SDK2: variants seen among roughly 807,000 people sequenced by gnomAD.
The protein encoded by SDK2 is sidekick cell adhesion molecule 2.
A neutral mutation model predicts 253.9 loss-of-function variants in SDK2; 105 were observed. The observed-to-expected ratio is 0.41, with a 90% CI of 0.35 to 0.49. The LOEUF is 0.49. Among genes scored for constraint, SDK2 ranks in the 20% least tolerant of loss-of-function variants. The pLI is 0.06. For synonymous variants in SDK2, 1,249 were observed against 1,234.9 expected (o/e 1.01, Z -0.24); for missense variants, 2,608 against 3,003.0 (o/e 0.87, Z 3.07).
intron 4 of SDK2, among the ~76,000 whole-genome samples, chr17:73,453,370 G>GTTTT (rs34814268): frequency 4.2e-5 from 6 of 141,226 alleles, no homozygotes; most frequent in Non-Finnish European, 4.6e-5. Context: ...CTGAGCTGGG[G>GTTTT]TTTTTTTTTT....
chr17:73,642,364 C>T lies in SDK2; in HGVS notation c.64+1661G>A, dbSNP rs76004683. Among the ~76,000 whole-genome samples, 3 of 152,224 alleles carry T rather than the reference C, an allele frequency of 2.0e-5. No homozygotes were observed. The highest frequency in any genetic ancestry group is 4.4e-5 in the Non-Finnish European group (3 of 68,030). On this transcript the variant is annotated intron_variant, in intron 1 of 44. Coordinates refer to ENST00000392650, the MANE Select transcript of SDK2 (RefSeq NM_001144952.2). This position sits in a 1 kb window ranked among gnomAD's most constrained non-coding sequence, Gnocchi z 4.7. ...AGCAATGAAGTTAGAAGGGTCCAGA[C>T]AGATGCTGGCATCCCGTCCCTCCAC...
At chr17:73,384,989 G>C (rs964707860) in intron 32 of SDK2, among the ~76,000 whole-genome samples, 4 of 152,098 alleles carry the variant, frequency 2.6e-5, no homozygotes, top group Non-Finnish European at 4.4e-5. Flanking sequence ...GTTTATCTAC[G>C]GGAGCGTCCT....
intron 39 of SDK2, among the ~76,000 whole-genome samples, chr17:73,360,265 G>A (rs757810511): frequency 2.0e-5 from 3 of 152,246 alleles, no homozygotes; most frequent in Non-Finnish European, 2.9e-5. Context: ...TTGCCCTAGA[G>A]CTACAGGGCT....
intron 1 of SDK2, among the ~76,000 whole-genome samples, chr17:73,553,860 A>T (rs1306633821): frequency 6.6e-6 from 1 of 151,674 alleles, no homozygotes; most frequent in Non-Finnish European, 1.5e-5. Context: ...TGGTTTCCCT[A>T]CTCCCTCCCT....
chr17:73,446,548 T>C (rs1296960905), intron 5 of SDK2, among the ~76,000 whole-genome samples: 1 of 152,162 alleles, frequency 6.6e-6, no homozygotes, highest in Non-Finnish European at 1.5e-5. Flanking sequence ...TGGCAAGGCC[T>C]GGGAATGTCC....
At chr17:73,568,246 C>T (rs2045335621) in intron 1 of SDK2, among the ~76,000 whole-genome samples, 1 of 152,156 alleles carries the variant, frequency 6.6e-6, no homozygotes, top group Admixed American at 6.5e-5. Context: ...CTCTCTCTTG[C>T]ACCCTCTATC....
chr17:73,537,390 CG>C (rs909605825), intron 1 of SDK2, among the ~76,000 whole-genome samples: 39 of 152,258 alleles, frequency 2.6e-4, no homozygotes, highest in African/African-American at 9.1e-4. Flanking sequence ...CCTTCTGCCC[CG>C]ACTCCAGCCT....
chr17:73,414,871 C>T, intron 17 of SDK2, 112 bp from the exon 18 acceptor site: 2 of 655,736 alleles, frequency 3.1e-6, no homozygotes, highest in East Asian at 5.5e-5. Context: ...CTTGCACCCC[C>T]CTACCCCACC....
intron 1 of SDK2, among the ~76,000 whole-genome samples, chr17:73,634,147 G>C (rs537357282): frequency 6.6e-6 from 1 of 152,334 alleles, no homozygotes; most frequent in South Asian, 2.1e-4. Context: ...CTTAGAGAAA[G>C]AAGAGGCCAG....
At chr17:73,549,553 T>TG (rs900862267) in intron 1 of SDK2, among the ~76,000 whole-genome samples, 1 of 151,954 alleles carries the variant, frequency 6.6e-6, no homozygotes. Flanking sequence ...TGTCATGCTA[T>TG]GGGGGAAGTA....
intron 44 of SDK2, among the ~76,000 whole-genome samples, chr17:73,345,952 A>G (rs2062479449): frequency 6.6e-6 from 1 of 152,140 alleles, no homozygotes; most frequent in Non-Finnish European, 1.5e-5. Context: ...CACACCTGTG[A>G]TCCCAGCATT....
chr17:73,355,176 T>TATATATATGTA lies in SDK2; in HGVS notation c.5594-2540_5594-2539insTACATATATAT, dbSNP rs1568363071. Reference sequence around the variant, plus strand: ...TACACCTCCATATATATATATATATTTTTTTTTTTTTTTTTTTTTAGACGG... The same window carrying TATATATATGTA: ...TACACCTCCATATATATATATATATTATATATATGTATTTTTTTTTTTTTTTTTTTAGACGG... On this transcript the variant is annotated intron_variant, in intron 40 of 44. Transcript: ENST00000392650. Among the ~76,000 whole-genome samples the TATATATATGTA allele has an allele frequency of 2.1e-3, 12 of 5,792 alleles. 1 individual carries two copies. The highest frequency in any genetic ancestry group is 5.1e-3 in the African/African-American group (11 of 2,140). 3.8% of individuals were successfully genotyped at this position (5,792 alleles called of 152,430 possible). A position where few individuals can be genotyped will look rare whatever the true frequency, so the allele number is the denominator to read the frequency against.
At position 73,419,171 on chromosome 17, in the gene SDK2, G is replaced by A. The variant is rs376999956; in HGVS notation, c.2181C>T (p.Ile727=). 178 of 1,611,952 alleles carry A rather than the reference G, an allele frequency of 1.1e-4. No homozygotes were observed. Among genetic ancestry groups the A allele is most frequent in the Non-Finnish European group, 1.4e-4 (171 of 1,179,316 alleles). Residue 727 remains isoleucine, a synonymous_variant, in exon 16 of 45, where the codon ATC becomes ATT. Transcript: ENST00000392650. ...TCCCCAGGGTGGACACCCACCTGAT[G>A]ATGTAACCCTTGAGAATTCCATTCT... ...SHQNGILKGY[I]IRYCLAGLPV...
intron 3 of SDK2, among the ~76,000 whole-genome samples, chr17:73,464,925 G>A (rs993090660): frequency 5.3e-5 from 8 of 151,856 alleles, no homozygotes; most frequent in Non-Finnish European, 2.9e-5. Flanking sequence ...TACTTTCTTC[G>A]AGGGCAGAGA....
chr17:73,378,984 G>T (rs1405807122), intron 36 of SDK2, among the ~76,000 whole-genome samples, 193 bp downstream of exon 36: 1 of 152,164 alleles, frequency 6.6e-6, no homozygotes, highest in African/African-American at 2.4e-5. Context: ...AGCTTCAGCT[G>T]TACAAATATT....
chr17:73,601,480 T>C (rs2045839355), intron 1 of SDK2, among the ~76,000 whole-genome samples: 1 of 152,128 alleles, frequency 6.6e-6, no homozygotes, highest in South Asian at 2.1e-4. Context: ...TCTAGTCCAA[T>C]ATGCTGTCCT....
intron 1 of SDK2, among the ~76,000 whole-genome samples, chr17:73,574,932 C>T (rs2045438275): frequency 6.6e-6 from 1 of 152,130 alleles, no homozygotes; most frequent in Non-Finnish European, 1.5e-5. Flanking sequence ...AGTCTTGCAC[C>T]TTAGTAGAGG....
chr17:73,526,360 C>A (rs1039869121), intron 1 of SDK2, among the ~76,000 whole-genome samples: 31 of 152,180 alleles, frequency 2.0e-4, no homozygotes, highest in Non-Finnish European at 2.9e-5. Flanking sequence ...CAATTAGGAC[C>A]TGCATGACCT....
intron 40 of SDK2, 161 bp downstream of exon 40, chr17:73,357,918 C>T (rs930175058): frequency 1.8e-6 from 2 of 1,126,034 alleles, no homozygotes; most frequent in Admixed American, 1.7e-5. Context: ...AGGAGCCCCC[C>T]AACCCAGTTT....
Sources: gnomAD v4.1 joint callset for allele counts (sites outside exome capture counted in the v4.1 genomes callset) on GRCh38, gnomAD v4.1.1 for gene constraint, Gnocchi (gnomAD v3.1) non-coding constraint, MANE v1.5 for transcripts, NCBI Gene and HGNC (gene_info 2026-07-23, HGNC 2026-07-21) for gene names.